The following PRKACB variants were observed in gnomAD, a reference collection of about 807,000 sequenced individuals.
The protein encoded by PRKACB is cAMP-dependent protein kinase catalytic subunit beta.
PRKACB carries 16 observed loss-of-function variants against 51.4 expected under a neutral mutation model. The observed-to-expected ratio is 0.31, with a 90% confidence interval of 0.21 to 0.47. The LOEUF is 0.47. Among genes scored for constraint, PRKACB ranks in the 20% least tolerant of loss-of-function variants. PRKACB has a pLI of 1.00. For missense variants in PRKACB, 309 were observed against 464.5 expected (o/e 0.67, Z 3.08); for synonymous variants, 147 against 154.4 (o/e 0.95, Z 0.35).
At chr1:84,186,221 T>C (rs985195187) in intron 5 of PRKACB, among the ~76,000 whole-genome samples, 15 of 5,430 alleles carry the variant, frequency 2.8e-3, no homozygotes, top group Admixed American at 7.6e-3. Context: ...TTTTGTTTGT[T>C]TTTGGTTTTT....
intron 1 of PRKACB, among the ~76,000 whole-genome samples, chr1:84,132,911 T>C (rs1021245412): frequency 5.9e-5 from 9 of 152,082 alleles, no homozygotes; most frequent in Non-Finnish European, 1.3e-4. Context: ...ATGATTTATC[T>C]ATCATTGGAA....
intron 1 of PRKACB, among the ~76,000 whole-genome samples, chr1:84,104,473 A>G (rs1262517170): frequency 1.3e-5 from 2 of 151,900 alleles, no homozygotes; most frequent in Non-Finnish European, 2.9e-5. Context: ...CAATATACTG[A>G]TTTCCTTCCG....
At chr1:84,080,889 A>T (rs1647480892) in intron 1 of PRKACB, among the ~76,000 whole-genome samples, 1 of 152,152 alleles carries the variant, frequency 6.6e-6, no homozygotes. Flanking sequence ...TAATCAGTTA[A>T]TATGTTTATT....
chr1:84,090,249 A>G lies in PRKACB; in HGVS notation c.46+11878A>G, dbSNP rs187959179. 6.0e-4 allele frequency among the ~76,000 whole-genome samples: 92 copies of G among 152,266 alleles called. 2 individuals are homozygous for G. In the East Asian group the frequency reaches 0.014, roughly 22 times the overall value. ...GTCATGATATTATGTCATATTTTACAAGGAAAATAAAAGCTATCAGACAGG... is the reference window on the plus strand; with the variant it reads ...GTCATGATATTATGTCATATTTTACGAGGAAAATAAAAGCTATCAGACAGG... On this transcript the variant is annotated intron_variant, in intron 1 of 8. Transcript: ENST00000370688.
chr1:84,160,880 C>T (rs950970784), intron 1 of PRKACB, among the ~76,000 whole-genome samples: 6 of 151,684 alleles, frequency 4.0e-5, no homozygotes, highest in Admixed American at 1.3e-4. Flanking sequence ...TTAATTGAGA[C>T]ATTATATTTT....
chr1:84,164,615 T>C (rs1486741840), intron 1 of PRKACB: 2 of 1,372,430 alleles, frequency 1.5e-6, no homozygotes, highest in African/African-American at 2.9e-5. Flanking sequence ...ATAATTCTGG[T>C]CTAATGTTGC....
intron 1 of PRKACB, among the ~76,000 whole-genome samples, chr1:84,090,332 T>A (rs929921015): frequency 6.6e-6 from 1 of 152,208 alleles, no homozygotes; most frequent in Non-Finnish European, 1.5e-5. Context: ...AACTTGACCA[T>A]CTTATTCTGT....
intron 2 of PRKACB, among the ~76,000 whole-genome samples, chr1:84,179,915 A>T (rs1157545465): frequency 6.6e-6 from 1 of 150,840 alleles, no homozygotes; most frequent in African/African-American, 2.4e-5. Context: ...CATCTACATT[A>T]GGTATTTCTC....
In PRKACB at chr1:84,220,454, T is replaced by A. The variant is rs565366731; in HGVS notation, c.1071+6137T>A. 3.9e-5 allele frequency among the ~76,000 whole-genome samples: 6 copies of A among 152,320 alleles called. No homozygotes were observed. In the East Asian group the frequency reaches 9.6e-4, roughly 24 times the overall value. ...GTATTTCTTTCTCTTCCCTGATTAA[T>A]CTGGCTAGGACTTCCATTACTATGT... On this transcript the variant is annotated intron_variant, in intron 9 of 9. Coordinates refer to ENST00000370685, the MANE Select transcript of PRKACB (RefSeq NM_182948.4).
intron 1 of PRKACB, among the ~76,000 whole-genome samples, chr1:84,152,254 G>T (rs1372721372): frequency 6.6e-6 from 1 of 152,140 alleles, no homozygotes; most frequent in Non-Finnish European, 1.5e-5. Flanking sequence ...GTGTCATCTA[G>T]CCTTTCACAT....
chr1:84,087,772 A>C (rs1168347966), intron 1 of PRKACB, among the ~76,000 whole-genome samples: 1 of 152,128 alleles, frequency 6.6e-6, no homozygotes, highest in Non-Finnish European at 1.5e-5. Flanking sequence ...TCTTCTTGCT[A>C]ATACTAAGGT....
At position 84,235,363 on chromosome 1, in the gene PRKACB, A is replaced by G; in HGVS notation, c.*58A>G. 1.2e-6 allele frequency: 2 copies of G among 1,605,814 alleles called. No individual in the cohort carries two copies. The highest frequency in any genetic ancestry group is 1.7e-6 in the Non-Finnish European group (2 of 1,175,848). On this transcript the variant is annotated 3_prime_UTR_variant, in exon 10 of 10. Transcript: ENST00000370685. Reference sequence around the variant, plus strand: ...AGTGTTTGCACTCTGTTGAGAGATAAGGTAGAGCTGAGACCGTCCTTGTTG... The same window carrying G: ...AGTGTTTGCACTCTGTTGAGAGATAGGGTAGAGCTGAGACCGTCCTTGTTG...
At chr1:84,130,448 G>A (rs1407616161) in intron 1 of PRKACB, among the ~76,000 whole-genome samples, 1 of 152,102 alleles carries the variant, frequency 6.6e-6, no homozygotes, top group African/African-American at 2.4e-5. Flanking sequence ...TAGAACAGAA[G>A]ATCAGGAGAA....
intron 1 of PRKACB, among the ~76,000 whole-genome samples, chr1:84,097,736 A>G (rs1039192221): frequency 3.9e-5 from 6 of 151,934 alleles, no homozygotes; most frequent in African/African-American, 1.4e-4. Flanking sequence ...AACCAGGAGC[A>G]CTGACGTCCA....
chr1:84,124,637 G>A (rs1651401533), intron 1 of PRKACB, among the ~76,000 whole-genome samples: 1 of 152,194 alleles, frequency 6.6e-6, no homozygotes, highest in South Asian at 2.1e-4. Context: ...AAATGCCTGA[G>A]GTTCGCAGTT....
intron 1 of PRKACB, among the ~76,000 whole-genome samples, chr1:84,150,275 C>A (rs550012498): frequency 2.0e-5 from 3 of 152,098 alleles, no homozygotes; most frequent in Admixed American, 1.3e-4. Context: ...GAGACTCTAT[C>A]TCAAAATAAA....
rs978981357 is a variant in PRKACB at position 84,200,364 on chromosome 1, T to A, written c.784-2319T>A. ...TTTCTTGTAAATTTGTTTAAGTTCC[T>A]CATAGATGCTGGATATTAGACCTTT... On this transcript the variant is annotated intron_variant, in intron 7 of 9. Transcript: ENST00000370685. Among the ~76,000 whole-genome samples, 9 of 152,188 alleles carry A rather than the reference T, an allele frequency of 5.9e-5. No individual in the cohort carries two copies. The East Asian group carries it at 1.2e-3, about 20-fold the overall frequency.
chr1:84,085,219 A>G (rs1311601886), intron 1 of PRKACB, among the ~76,000 whole-genome samples: 1 of 152,246 alleles, frequency 6.6e-6, no homozygotes, highest in African/African-American at 2.4e-5. Flanking sequence ...AAGAACATGT[A>G]AAATATAGCA....
At chr1:84,227,896 A>G (rs2101668447) in intron 9 of PRKACB, among the ~76,000 whole-genome samples, 1 of 152,196 alleles carries the variant, frequency 6.6e-6, no homozygotes, top group East Asian at 1.9e-4. Context: ...TTATTCTCTG[A>G]TGCATCTCCA....
Sources: allele counts gnomAD v4.1 joint callset (sites outside exome capture counted in the v4.1 genomes callset), GRCh38; gene constraint gnomAD v4.1.1; transcripts MANE v1.5; gene names NCBI Gene and HGNC (gene_info 2026-07-23, HGNC 2026-07-21).